Variants in SLC35F3 observed in about 807,000 individuals in gnomAD.
SLC35F3 encodes solute carrier family 35 member F3.
A neutral mutation model predicts 49.9 loss-of-function variants in SLC35F3; 25 were observed. The observed-to-expected ratio is 0.50, with a 90% CI of 0.37 to 0.70. The LOEUF is 0.70. Ranked by LOEUF, SLC35F3 falls within the 30% of genes least tolerant of loss-of-function variation. The probability of loss-of-function intolerance (pLI) is 0.00; values close to 1 mark genes in which losing one functional copy is unlikely to be tolerated. For missense variants in SLC35F3, 525 were observed against 639.8 expected, an observed-to-expected ratio of 0.82 and a Z score of 1.94; for synonymous variants, 275 against 265.4, an observed-to-expected ratio of 1.04 and a Z score of -0.35.
rs182497713 is a variant in SLC35F3 at position 234,318,245 on chromosome 1, A to C, written c.955-506A>C. On this transcript the variant is annotated intron_variant, in intron 5 of 7. Transcript: ENST00000366618. ...AAAAGAACAGGTGCAAGAAAATAAA[A>C]GTTTGGTGCATTCCACTAAAACCCA... 6.4e-4 allele frequency among the ~76,000 whole-genome samples: 97 copies of C among 152,350 alleles called. No individual in the cohort carries two copies. In the Middle Eastern group the frequency reaches 0.02, roughly 32 times the overall value.
intron 2 of SLC35F3, among the ~76,000 whole-genome samples, chr1:234,125,531 C>G (rs181778999): frequency 6.6e-6 from 1 of 152,074 alleles, no homozygotes; most frequent in Non-Finnish European, 1.5e-5. Flanking sequence ...AGGTATAGCC[C>G]ACCCCAGGCA....
intron 2 of SLC35F3, among the ~76,000 whole-genome samples, chr1:234,189,307 A>T (rs1026703805): frequency 2.0e-5 from 3 of 151,892 alleles, no homozygotes; most frequent in African/African-American, 7.3e-5. Context: ...ACTTAAGGAA[A>T]TTTTTAAAAA....
chr1:234,008,551 G>A (rs74417265), intron 2 of SLC35F3, among the ~76,000 whole-genome samples: 3,886 of 152,268 alleles, frequency 0.026, 66 homozygotes, highest in Non-Finnish European at 0.041. Flanking sequence ...ACTACAGAAA[G>A]TTCTTTCATA....
intron 2 of SLC35F3, among the ~76,000 whole-genome samples, chr1:234,100,409 C>T (rs1253829292): frequency 6.6e-6 from 1 of 152,188 alleles, no homozygotes; most frequent in Non-Finnish European, 1.5e-5. Context: ...TGTTGTTCCT[C>T]ATGTGGTATT....
intron 3 of SLC35F3, chr1:234,285,265 C>T (rs1198184836): frequency 2.2e-6 from 1 of 445,582 alleles, no homozygotes; most frequent in Non-Finnish European, 4.5e-6. Flanking sequence ...CTCACTTCCC[C>T]CATCAACATC....
chr1:234,225,980 G>C (rs930798840), intron 2 of SLC35F3, among the ~76,000 whole-genome samples: 1 of 152,194 alleles, frequency 6.6e-6, no homozygotes, highest in African/African-American at 2.4e-5. Flanking sequence ...TTATTATAGA[G>C]ACAGAAAACA....
chr1:234,125,952 C>T (rs958601280), intron 2 of SLC35F3, among the ~76,000 whole-genome samples: 2 of 152,280 alleles, frequency 1.3e-5, no homozygotes, highest in Admixed American at 1.3e-4. Context: ...TGTGCTTCCG[C>T]GCACTAGCTC....
intron 2 of SLC35F3, among the ~76,000 whole-genome samples, chr1:233,944,311 A>G (rs948530620): frequency 6.6e-6 from 1 of 152,234 alleles, no homozygotes; most frequent in East Asian, 1.9e-4. Context: ...AAGCCTTCTC[A>G]GTTGAACACT....
intron 2 of SLC35F3, among the ~76,000 whole-genome samples, chr1:234,211,989 C>T (rs975244447): frequency 6.6e-6 from 1 of 152,134 alleles, no homozygotes; most frequent in East Asian, 1.9e-4. Context: ...TCCCATGCTG[C>T]TCTCATGATA....
intron 2 of SLC35F3, among the ~76,000 whole-genome samples, chr1:234,133,210 G>GT (rs1162736481): frequency 1.3e-5 from 2 of 152,120 alleles, no homozygotes; most frequent in Non-Finnish European, 2.9e-5. Flanking sequence ...TCATTCCAAA[G>GT]TAACTAGAAT....
Position 234,316,681 on chromosome 1 carries a change from G to A in SLC35F3, c.908G>A (p.Gly303Asp). 6.2e-7 allele frequency: 1 copy of A among 1,613,174 alleles called. No homozygotes were observed. The highest frequency in any genetic ancestry group is 8.5e-7 in the Non-Finnish European group (1 of 1,179,160). The change falls in exon 5 of 8, where the codon GGC becomes GAC. Residue 303 changes from glycine to aspartate, a missense_variant. Gly to Asp is a moderately conservative substitution (Grantham distance 94, BLOSUM62 -1). This residue lies in a region of SLC35F3 where 216 missense variants were observed against 298.1 expected (regional missense o/e 0.72). Transcript: ENST00000366618. ...ADGFHSHSVIGIALVVASASM... is the reference protein window; with the variant it reads ...ADGFHSHSVIDIALVVASASM... Reference sequence around the variant, plus strand: ...GGCTTCCACAGCCACTCCGTCATCGGCATCGCACTGGTGGTGGCCTCAGCA... The same window carrying A: ...GGCTTCCACAGCCACTCCGTCATCGACATCGCACTGGTGGTGGCCTCAGCA...
chr1:234,211,241 T>G (rs541111965), intron 2 of SLC35F3, among the ~76,000 whole-genome samples: 16 of 152,332 alleles, frequency 1.1e-4, no homozygotes, highest in Admixed American at 9.8e-4. Flanking sequence ...GGCACCCTCA[T>G]GGAGAACCTC....
chr1:234,127,778 A>G (rs1371278469), intron 2 of SLC35F3, among the ~76,000 whole-genome samples: 2 of 152,268 alleles, frequency 1.3e-5, no homozygotes, highest in Non-Finnish European at 2.9e-5. Flanking sequence ...GAATAGATTT[A>G]TAAGCATGAT....
At chr1:233,990,599 G>C (rs1205951344) in intron 2 of SLC35F3, among the ~76,000 whole-genome samples, 3 of 149,550 alleles carry the variant, frequency 2.0e-5, no homozygotes, top group African/African-American at 7.5e-5. Flanking sequence ...TGCTAAGGGA[G>C]TAGATCTTAG....
chr1:234,322,650 C>CGTGTGTGTGTGTGTGT (rs55827503), intron 7 of SLC35F3, among the ~76,000 whole-genome samples: 126 of 144,964 alleles, frequency 8.7e-4, no homozygotes, highest in African/African-American at 2.9e-3. Context: ...GGGTCAAATG[C>CGTGTGTGTGTGTGTGT]GTGTGTGTGT....
chr1:234,183,128 T>G (rs886712113), intron 2 of SLC35F3, among the ~76,000 whole-genome samples: 2 of 142,980 alleles, frequency 1.4e-5, no homozygotes, highest in African/African-American at 4.9e-5. Context: ...GCAATTCTCA[T>G]GCCTCAGCCT....
chr1:234,236,306 A>G (rs1667466532), intron 3 of SLC35F3, among the ~76,000 whole-genome samples: 1 of 151,990 alleles, frequency 6.6e-6, no homozygotes, highest in Non-Finnish European at 1.5e-5. Flanking sequence ...GCCAGGCGTG[A>G]TGGTGCACCT....
intron 2 of SLC35F3, among the ~76,000 whole-genome samples, chr1:234,202,045 T>C (rs974266150): frequency 2.6e-5 from 4 of 152,088 alleles, no homozygotes; most frequent in Non-Finnish European, 4.4e-5. Context: ...TGGAATACTA[T>C]GCATATAGTA....
intron 4 of SLC35F3, among the ~76,000 whole-genome samples, chr1:234,309,845 T>C (rs1657303385): frequency 1.3e-5 from 2 of 152,252 alleles, no homozygotes; most frequent in South Asian, 4.1e-4. Flanking sequence ...ACACTCATGC[T>C]AAGTCCCAAC....
Sources: gnomAD v4.1 joint callset for allele counts (sites outside exome capture counted in the v4.1 genomes callset) on GRCh38, gnomAD v4.1.1 for gene constraint, gnomAD v4.1.1 regional missense constraint, MANE v1.5 for transcripts, NCBI Gene and HGNC (gene_info 2026-07-23, HGNC 2026-07-21) for gene names.